NEDD4L: variants seen among roughly 807,000 people sequenced by gnomAD.
The protein encoded by NEDD4L is E3 ubiquitin-protein ligase NEDD4-like.
Under a neutral mutation model 148.9 loss-of-function variants are expected in NEDD4L, and 54 were observed. That is an observed-to-expected ratio of 0.36 (90% confidence interval 0.29 to 0.45). The LOEUF is 0.45. NEDD4L is among the 20% of genes least tolerant of loss of function. The pLI is 1.00. For missense variants in NEDD4L, 856 were observed against 1,233.8 expected (o/e 0.69, Z 4.59); for synonymous variants, 433 against 440.7 (o/e 0.98, Z 0.22).
At chr18:58,230,348 AGTG>A (rs1299777384) in intron 2 of NEDD4L, among the ~76,000 whole-genome samples, 1 of 151,748 alleles carries the variant, frequency 6.6e-6, no homozygotes, top group Non-Finnish European at 1.5e-5. Flanking sequence ...GTTAATCGAA[AGTG>A]GCTTATGATT....
intron 5 of NEDD4L, among the ~76,000 whole-genome samples, chr18:58,309,115 C>G (rs1216612089): frequency 6.6e-6 from 1 of 152,182 alleles, no homozygotes; most frequent in South Asian, 2.1e-4. Context: ...CTTCACTTGC[C>G]CTGGGAGACT....
intron 2 of NEDD4L, among the ~76,000 whole-genome samples, chr18:58,178,932 A>T (rs573851599): frequency 1.9e-4 from 29 of 152,258 alleles, no homozygotes; most frequent in African/African-American, 6.7e-4. Flanking sequence ...CAAGTTTGGG[A>T]GTGGCTGGTA....
intron 23 of NEDD4L, chr18:58,371,952 C>T (rs1223964741): frequency 2.0e-5 from 3 of 152,122 alleles, no homozygotes; most frequent in Admixed American, 1.3e-4. Flanking sequence ...CAGGAGAGAC[C>T]GTGGAGGGAC....
intron 5 of NEDD4L, among the ~76,000 whole-genome samples, chr18:58,315,243 G>A (rs1425159780): frequency 1.3e-5 from 2 of 152,118 alleles, no homozygotes. Context: ...GTGTGACTGT[G>A]GTCCAGGCCA....
At chr18:58,136,297 C>T (rs556075272) in intron 1 of NEDD4L, among the ~76,000 whole-genome samples, 3 of 152,204 alleles carry the variant, frequency 2.0e-5, no homozygotes, top group Non-Finnish European at 4.4e-5. Flanking sequence ...CGCATCCTGC[C>T]ACTGAGTTGA....
intron 2 of NEDD4L, among the ~76,000 whole-genome samples, chr18:58,178,799 A>G (rs972004890): frequency 6.6e-6 from 1 of 152,174 alleles, no homozygotes; most frequent in African/African-American, 2.4e-5. Flanking sequence ...TAGGCATGTT[A>G]TTGTGTGTCT....
chr18:58,259,069 A>G (rs1393975520), intron 5 of NEDD4L, among the ~76,000 whole-genome samples: 1 of 152,212 alleles, frequency 6.6e-6, no homozygotes, highest in Non-Finnish European at 1.5e-5. Context: ...AGATTTGGGA[A>G]TACCGCTCGG....
chr18:58,360,861 G>A (rs1001717497), intron 19 of NEDD4L, among the ~76,000 whole-genome samples: 1 of 151,622 alleles, frequency 6.6e-6, no homozygotes, highest in Non-Finnish European at 1.5e-5. Context: ...TGTATTTACT[G>A]TTAACTTCTT....
At chr18:58,316,656 C>G (rs558157760) in intron 6 of NEDD4L, among the ~76,000 whole-genome samples, 27 of 152,338 alleles carry the variant, frequency 1.8e-4, no homozygotes, top group Admixed American at 1.5e-3. Context: ...AGGCTGTTGA[C>G]TAGTGACGGG....
At chr18:58,161,435 C>CTTTT (rs55873387) in intron 1 of NEDD4L, among the ~76,000 whole-genome samples, 5 of 140,316 alleles carry the variant, frequency 3.6e-5, no homozygotes, top group African/African-American at 1.3e-4. Flanking sequence ...TTTTCTTTTT[C>CTTTT]TTTTTTTTTT....
intron 1 of NEDD4L, among the ~76,000 whole-genome samples, chr18:58,084,218 C>T (rs1009081108): frequency 2.6e-5 from 4 of 152,066 alleles, no homozygotes; most frequent in East Asian, 3.9e-4. Flanking sequence ...TCCACAGAGA[C>T]GGAAAGTAGA....
chr18:58,152,651 C>G (rs2034924353), intron 1 of NEDD4L, among the ~76,000 whole-genome samples: 1 of 152,212 alleles, frequency 6.6e-6, no homozygotes, highest in African/African-American at 2.4e-5. Context: ...TTGCTGGACT[C>G]TGGTTCTGGA....
chr18:58,074,599 CAATG>C (rs1329353316), intron 1 of NEDD4L, among the ~76,000 whole-genome samples: 1 of 151,560 alleles, frequency 6.6e-6, no homozygotes, highest in African/African-American at 2.4e-5. Flanking sequence ...ATAAGTGACA[CAATG>C]AAGAACAAGG....
At chr18:58,172,849 A>G (rs977653371) in intron 2 of NEDD4L, among the ~76,000 whole-genome samples, 1 of 152,226 alleles carries the variant, frequency 6.6e-6, no homozygotes, top group African/African-American at 2.4e-5. Flanking sequence ...TTCTGATGCT[A>G]TGCTCAGTGA....
intron 6 of NEDD4L, among the ~76,000 whole-genome samples, chr18:58,316,986 G>A (rs1304553723): frequency 2.0e-5 from 2 of 99,234 alleles, no homozygotes; most frequent in East Asian, 5.0e-4. Context: ...TTTAAAGCTA[G>A]CATAAGCTTC....
At chr18:58,314,672 C>T (rs1055171019) in intron 5 of NEDD4L, 6 of 152,204 alleles carry the variant, frequency 3.9e-5, no homozygotes, top group African/African-American at 1.4e-4. Context: ...GTAGTAGATA[C>T]AGCTAAGAAA....
intron 5 of NEDD4L, among the ~76,000 whole-genome samples, chr18:58,272,494 G>T (rs934853830): frequency 2.6e-5 from 4 of 152,036 alleles, no homozygotes; most frequent in African/African-American, 9.7e-5. Flanking sequence ...CAAATTGGCC[G>T]GTATGTGCCT....
At chr18:58,137,912 C>T (rs1323918604) in intron 1 of NEDD4L, among the ~76,000 whole-genome samples, 1 of 152,168 alleles carries the variant, frequency 6.6e-6, no homozygotes, top group Non-Finnish European at 1.5e-5. Context: ...TTCCCCAGCT[C>T]GTCCCCAGTT....
intron 9 of NEDD4L, among the ~76,000 whole-genome samples, chr18:58,327,940 A>G (rs1384285229): frequency 1.3e-5 from 2 of 151,986 alleles, no homozygotes; most frequent in Non-Finnish European, 2.9e-5. Flanking sequence ...GCAAAAAAAA[A>G]AGTTTTCTTT....
Sources: allele counts gnomAD v4.1 joint callset (sites outside exome capture counted in the v4.1 genomes callset), GRCh38; gene constraint gnomAD v4.1.1; transcripts MANE v1.5; gene names NCBI Gene and HGNC (gene_info 2026-07-23, HGNC 2026-07-21).